Variants in PHF2 observed in about 807,000 individuals in gnomAD.
PHF2 encodes the protein lysine-specific demethylase PHF2.
A neutral mutation model predicts 120.5 loss-of-function variants in PHF2; 27 were observed. The observed-to-expected ratio is 0.22, with a 90% CI of 0.17 to 0.31. The LOEUF (loss-of-function observed/expected upper bound fraction) is 0.31. Ranked by LOEUF, PHF2 falls within the 10% of genes least tolerant of loss-of-function variation. The probability of loss-of-function intolerance (pLI) is 1.00; values close to 1 mark genes in which losing one functional copy is unlikely to be tolerated. For synonymous variants in PHF2, 568 were observed against 592.5 expected (o/e 0.96, Z 0.60); for missense variants, 1,024 against 1,434.8 (o/e 0.71, Z 4.63).
chr9:93,666,132 T>A, intron 16 of PHF2, 72 bp downstream of exon 16: 1 of 1,522,604 alleles, frequency 6.6e-7, no homozygotes. Flanking sequence ...ATGGTTTGAG[T>A]GACTCCAGGG....
At chr9:93,643,879 G>A (rs939780375) in intron 3 of PHF2, among the ~76,000 whole-genome samples, 12 of 151,900 alleles carry the variant, frequency 7.9e-5, no homozygotes, top group Non-Finnish European at 1.0e-4. Flanking sequence ...TCTCCTGGCC[G>A]TCCATATTTG....
In PHF2 at chr9:93,678,437, C is replaced by G. The variant is rs1279670772; in HGVS notation, c.*761C>G. The G allele has an allele frequency of 6.6e-6, 1 of 152,564 alleles. No homozygotes were observed. Among genetic ancestry groups the G allele is most frequent in the Non-Finnish European group, 1.5e-5 (1 of 68,080 alleles). 9.5% of individuals were successfully genotyped at this position (152,564 alleles called of 1,614,324 possible). A position where few individuals can be genotyped will look rare whatever the true frequency, so the allele number is the denominator to read the frequency against. ...AGCCATGTGGCAGGGACCGTCTTGC[C>G]CTGCTGGCCACACTCTGGAGAAGCA... On this transcript the variant is annotated 3_prime_UTR_variant, in exon 22 of 22. Coordinates refer to ENST00000359246, the MANE Select transcript of PHF2 (RefSeq NM_005392.4).
chr9:93,596,249 G>A (rs1825330749), intron 1 of PHF2, among the ~76,000 whole-genome samples: 1 of 152,174 alleles, frequency 6.6e-6, no homozygotes, highest in Non-Finnish European at 1.5e-5. Context: ...CACGAGTGGA[G>A]GGCAAGCTGC....
Position 93,676,600 on chromosome 9 carries a change from C to T in PHF2, c.2839C>T (p.Gln947Ter). The T allele has an allele frequency of 6.3e-7, 1 of 1,595,062 alleles. No homozygotes were observed. Among genetic ancestry groups the T allele is most frequent in the Non-Finnish European group, 8.6e-7 (1 of 1,167,032 alleles). ...CTGCATGTTTTGTTCAAAGGAGGAG[C>T]AGAAAAGCAAGAAAAAAAAGAGTGC... ...AAAKLSQQEE[Q>*]KSKKKKSAKR... The change falls in exon 21 of 22, where the codon CAG becomes TAG. Residue 947 changes from glutamine to a stop codon, truncating the protein, a stop_gained. Coordinates refer to ENST00000359246, the MANE Select transcript of PHF2 (RefSeq NM_005392.4). LOFTEE classifies it high-confidence loss of function.
Position 93,662,902 on chromosome 9 carries a change from T to TC in PHF2, c.1699-4dup. ...CCTCTGGGTCACAGCAGCCCTTTTT[T>TC]CTAGGCCACAAAGAGTGTCCTGAGT... On this transcript the variant is annotated splice_polypyrimidine_tract_variant and splice_region_variant and intron_variant, in intron 12 of 21. Transcript: ENST00000359246. 6.2e-7 allele frequency: 1 copy of TC among 1,613,946 alleles called. No homozygotes were observed. The highest frequency in any genetic ancestry group is 8.5e-7 in the Non-Finnish European group (1 of 1,179,882).
intron 1 of PHF2, among the ~76,000 whole-genome samples, chr9:93,627,492 A>ATTTTTTTTTT (rs55647503): frequency 0.022 from 2,360 of 107,962 alleles, 242 homozygotes; most frequent in South Asian, 0.089. Flanking sequence ...TTATTTCAGG[A>ATTTTTTTTTT]TTTTTTTTTT....
intron 20 of PHF2, among the ~76,000 whole-genome samples, chr9:93,676,088 C>T (rs1263709745): frequency 6.6e-6 from 1 of 152,148 alleles, no homozygotes; most frequent in African/African-American, 2.4e-5. Context: ...AGCTCCCCTT[C>T]CCCTCCCCCC....
At chr9:93,576,968 T>C (rs1862830630) in intron 1 of PHF2, 97 bp downstream of exon 1, 4 of 380,766 alleles carry the variant, frequency 1.1e-5, no homozygotes, top group Non-Finnish European at 1.4e-5. Context: ...CAGGCCCGGC[T>C]CGGGGACGGG....
At chr9:93,661,522 GATGAATAGATGA>G (rs1181653925) in intron 12 of PHF2, among the ~76,000 whole-genome samples, 2 of 152,190 alleles carry the variant, frequency 1.3e-5, no homozygotes, top group African/African-American at 2.4e-5. Flanking sequence ...TTAACGAATG[GATGAATAGATGA>G]ATGAATAGAT....
chr9:93,677,672 T>A lies in PHF2; in HGVS notation c.3287T>A (p.Leu1096His). Residue 1096 changes from leucine to histidine, a missense_variant, in exon 22 of 22, where the codon CTT (leucine) becomes CAT (histidine). Leu to His is a moderately conservative substitution (Grantham distance 99). Transcript: ENST00000359246. This position sits in a 1 kb window ranked among gnomAD's most constrained non-coding sequence, Gnocchi z 4.4. ...LKIHRNGKLL[L>H] ...ATTCATCGGAACGGGAAACTACTCC[T>A]TTAAGATTTGGAAAGCCAGGATCCT... is the stretch of plus-strand genomic sequence containing the variant. The A allele has an allele frequency of 6.2e-7, 1 of 1,612,090 alleles. No homozygotes were observed. The highest frequency in any genetic ancestry group is 1.7e-4 in the Middle Eastern group (1 of 6,058).
At chr9:93,590,544 G>A (rs1825196135) in intron 1 of PHF2, among the ~76,000 whole-genome samples, 2 of 152,218 alleles carry the variant, frequency 1.3e-5, no homozygotes, top group Non-Finnish European at 2.9e-5. Flanking sequence ...CTCTTGTTGT[G>A]AGGCCAAGCC....
chr9:93,654,577 T>A lies in PHF2; in HGVS notation c.952+2T>A. 6.2e-7 allele frequency: 1 copy of A among 1,612,656 alleles called. No homozygotes were observed. The highest frequency in any genetic ancestry group is 8.5e-7 in the Non-Finnish European group (1 of 1,179,434). ...GCCAGACCCTCTTCATCCCCTCAGG[T>A]GAGTGCGGGCAGCTTTGGGGACCAT... is the stretch of plus-strand genomic sequence containing the variant. On this transcript the variant is annotated splice_donor_variant, in intron 7 of 21. Transcript: ENST00000359246. LOFTEE classifies it high-confidence loss of function.
intron 1 of PHF2, chr9:93,594,858 T>A (rs564396925): frequency 6.5e-5 from 10 of 153,492 alleles, no homozygotes; most frequent in African/African-American, 2.4e-4. Context: ...ATTGCGGTTT[T>A]TGCTATTGGT....
intron 14 of PHF2, 148 bp downstream of exon 14, chr9:93,663,783 CTGCATCACACACAACCAT>C: frequency 1.7e-6 from 1 of 587,798 alleles, no homozygotes; most frequent in Non-Finnish European, 3.1e-6. Context: ...ACACCACACA[CTGCATCACACACAACCAT>C]ACACACTGCA....
Position 93,652,368 on chromosome 9 carries a change from C to T in PHF2, c.603-811C>T, listed in dbSNP as rs563872761. 2.7e-5 allele frequency among the ~76,000 whole-genome samples: 4 copies of T among 148,058 alleles called. No homozygotes were observed. The South Asian group carries it at 6.5e-4, about 24-fold the overall frequency. On this transcript the variant is annotated intron_variant, in intron 5 of 21. Coordinates refer to ENST00000359246, the MANE Select transcript of PHF2 (RefSeq NM_005392.4). ...GGAGGGCAGTGGGGTGATTTTGGCT[C>T]ACTGTAACCTCTGCCTCCTGGGTTC...
At chr9:93,645,879 G>A (rs1210289757) in intron 4 of PHF2, 90 bp downstream of exon 4, 2 of 1,415,490 alleles carry the variant, frequency 1.4e-6, no homozygotes, top group Non-Finnish European at 1.9e-6. Context: ...CCACGCCCTG[G>A]CTGTGTCCAT....
Position 93,677,728 on chromosome 9 carries a change from C to A in PHF2, c.*52C>A. 7.2e-7 allele frequency: 1 copy of A among 1,390,420 alleles called. No homozygotes were observed. Among genetic ancestry groups the A allele is most frequent in the Non-Finnish European group, 1.0e-6 (1 of 984,356 alleles). The allele number at this position is 1,390,420 out of a possible 1,614,324, so 86.1% of individuals were successfully genotyped here. A position where few individuals can be genotyped will look rare whatever the true frequency, so the allele number is the denominator to read the frequency against. ...TCCGCTCAGGACCCCCGGAGCCCCG[C>A]GAAAACATCTGCCTCCCAGGAGGGT... On this transcript the variant is annotated 3_prime_UTR_variant, in exon 22 of 22. Coordinates refer to ENST00000359246, the MANE Select transcript of PHF2 (RefSeq NM_005392.4). This position sits in a 1 kb window ranked among gnomAD's most constrained non-coding sequence, Gnocchi z 4.4.
intron 1 of PHF2, among the ~76,000 whole-genome samples, chr9:93,580,510 A>C (rs1385558257): frequency 6.6e-6 from 1 of 152,156 alleles, no homozygotes; most frequent in African/African-American, 2.4e-5. Flanking sequence ...CCTGCCTGCA[A>C]AGTGAGCTGG....
At chr9:93,583,035 C>G (rs1862962764) in intron 1 of PHF2, among the ~76,000 whole-genome samples, 1 of 152,174 alleles carries the variant, frequency 6.6e-6, no homozygotes, top group Non-Finnish European at 1.5e-5. Context: ...CTAAAGTAAA[C>G]CCGGTATCCA....
Sources: allele counts gnomAD v4.1 joint callset (sites outside exome capture counted in the v4.1 genomes callset), GRCh38; gene constraint gnomAD v4.1.1; non-coding constraint Gnocchi (gnomAD v3.1); transcripts MANE v1.5; gene names NCBI Gene and HGNC (gene_info 2026-07-23, HGNC 2026-07-21).